Variants in RNF167 observed in about 807,000 individuals in gnomAD.
RNF167 encodes the protein ring finger protein 167.
A neutral mutation model predicts 34.8 loss-of-function variants in RNF167; 19 were observed. The ratio of observed to expected loss-of-function variants is 0.55; its 90% CI spans 0.38 to 0.80. RNF167 has a LOEUF of 0.80. Ranked by LOEUF, RNF167 falls within the 30% of genes least tolerant of loss-of-function variation. The pLI is 0.00. For synonymous variants in RNF167, 200 were observed against 170.4 expected (o/e 1.17, Z -1.35); for missense variants, 464 against 447.0 (o/e 1.04, Z -0.34).
Position 4,942,883 on chromosome 17 carries a change from G to T in RNF167, c.412G>T (p.Val138Leu). The T allele has an allele frequency of 6.2e-7, 1 of 1,614,224 alleles. No individual in the cohort carries two copies. The highest frequency in any genetic ancestry group is 8.5e-7 in the Non-Finnish European group (1 of 1,180,034). ...CCAGCAGCAGATCTGGATCCCGTCT[G>T]TATTTATTGGGGAGAGAAGCTCCGA... ...EIQQQIWIPS[V>L]FIGERSSEYL... is the part of the protein sequence containing the mutation. The change falls in exon 6 of 10, where the codon GTA becomes TTA. Residue 138 changes from valine (V) to leucine (L), a missense_variant. Physicochemically the swap from Val to Leu is conservative, Grantham distance 32. Coordinates refer to ENST00000262482, the MANE Select transcript of RNF167 (RefSeq NM_015528.3).
At chr17:4,941,744 C>T (rs959251305) in intron 3 of RNF167, among the ~76,000 whole-genome samples, 2 of 152,072 alleles carry the variant, frequency 1.3e-5, no homozygotes. Flanking sequence ...TGGAGAAACC[C>T]TATCTCTACT....
chr17:4,940,121 T>G (rs1196702615), upstream of RNF167: 6 of 433,040 alleles, frequency 1.4e-5, no homozygotes, highest in East Asian at 2.3e-4. Context: ...GATGGAAGCG[T>G]GCGAGAAGGG....
At position 4,945,100 on chromosome 17, in the gene RNF167, C is replaced by G. The variant is rs1971286387; in HGVS notation, c.*84C>G. 3 of 1,264,562 alleles carry G rather than the reference C, an allele frequency of 2.4e-6. No homozygotes were observed. The highest frequency in any genetic ancestry group is 3.1e-5 in the South Asian group (2 of 64,910). The allele number at this position is 1,264,562 out of a possible 1,614,324, so 78.3% of individuals were successfully genotyped here. On this transcript the variant is annotated 3_prime_UTR_variant, in exon 10 of 10. Coordinates refer to ENST00000262482, the MANE Select transcript of RNF167 (RefSeq NM_015528.3). ...AGTCTTCTGAGGGATAGGGGACATTCCATCCCAAGCTTCTCCCTTACCCAC... is the reference window on the plus strand; with the variant it reads ...AGTCTTCTGAGGGATAGGGGACATTGCATCCCAAGCTTCTCCCTTACCCAC...
Position 4,943,525 on chromosome 17 carries a change from G to A in RNF167, c.670+6G>A. 3 of 1,607,844 alleles carry A rather than the reference G, an allele frequency of 1.9e-6. No homozygotes were observed. Among genetic ancestry groups the A allele is most frequent in the Non-Finnish European group, 2.6e-6 (3 of 1,174,972 alleles). ...TACACATGACTATCAGAAGGGTGAG[G>A]GGGTTAGGGGAGAAGAGGGCTTTTC... On this transcript the variant is annotated splice_donor_region_variant and intron_variant, in intron 8 of 9. Transcript: ENST00000262482.
In RNF167 at chr17:4,941,173, T is replaced by C. The variant is rs777882252; in HGVS notation, c.165+16T>C. 3.5e-5 allele frequency: 57 copies of C among 1,605,722 alleles called. No homozygotes were observed. Among genetic ancestry groups the C allele is most frequent in the Non-Finnish European group, 2.7e-5 (32 of 1,172,544 alleles). On this transcript the variant is annotated intron_variant, in intron 3 of 9. Transcript: ENST00000262482. ...GGGCCTCCAGGTGATTTTCTTTCTT[T>C]TCTTTTCCTCCTTCCCTCCCTTCCT... is the stretch of plus-strand genomic sequence containing the variant.
Position 4,942,684 on chromosome 17 carries a change from T to C in RNF167, c.379+20T>C, listed in dbSNP as rs567174754. ...ATAGTGGTAAGGCTGGGGGAATCTA[T>C]ACAGCTGGGCTTTCAGTAGGACCCA... On this transcript the variant is annotated intron_variant, in intron 5 of 9. Transcript: ENST00000262482. The C allele has an allele frequency of 3.7e-6, 6 of 1,612,438 alleles. No homozygotes were observed. Among genetic ancestry groups the C allele is most frequent in the Admixed American group, 1.7e-5 (1 of 59,986 alleles).
chr17:4,941,865 C>T (rs1970840967), intron 3 of RNF167, among the ~76,000 whole-genome samples: 2 of 151,818 alleles, frequency 1.3e-5, no homozygotes, highest in South Asian at 2.1e-4. Context: ...TGCAGTGAGC[C>T]GAGATCGCGC....
intron 8 of RNF167, 112 bp from the exon 9 acceptor site, chr17:4,944,446 A>C (rs78845112): frequency 1.4e-4 from 212 of 1,488,690 alleles, no homozygotes; most frequent in Admixed American, 1.8e-4. Flanking sequence ...TACCTGTCTT[A>C]TCTCTTCCAC....
Position 4,944,705 on chromosome 17 carries a change from C to T in RNF167, c.752-10C>T. The T allele has an allele frequency of 6.2e-7, 1 of 1,614,108 alleles. No individual in the cohort carries two copies. Among genetic ancestry groups the T allele is most frequent in the Non-Finnish European group, 8.5e-7 (1 of 1,180,004 alleles). On this transcript the variant is annotated splice_polypyrimidine_tract_variant and intron_variant, in intron 9 of 9. Coordinates refer to ENST00000262482, the MANE Select transcript of RNF167 (RefSeq NM_015528.3). Reference sequence around the variant, plus strand: ...AGCCACCAGGTGCTTCACCTTGTTCCTCTCTGCAGCCTACCACAGCCGCTG... The same window carrying T: ...AGCCACCAGGTGCTTCACCTTGTTCTTCTCTGCAGCCTACCACAGCCGCTG...
chr17:4,944,622 A>T lies in RNF167; in HGVS notation c.735A>T (p.Val245=). 6.2e-7 allele frequency: 1 copy of T among 1,612,882 alleles called. No homozygotes were observed. Among genetic ancestry groups the T allele is most frequent in the Non-Finnish European group, 8.5e-7 (1 of 1,179,606 alleles). The change falls in exon 9 of 10, where the codon GTA becomes GTT. Residue 245 remains valine, a synonymous_variant. Transcript: ENST00000262482. The part of the protein sequence containing the change: ...DEYEDGDKLR[V]LPCAHAYHSR... ...ATGAGGATGGGGACAAGCTGCGGGT[A>T]CTCCCCTGTGCTCATGGTGAGGCCC...
intron 3 of RNF167, 89 bp downstream of exon 3, chr17:4,941,246 T>A: frequency 8.2e-7 from 1 of 1,224,334 alleles, no homozygotes; most frequent in South Asian, 1.3e-5. Flanking sequence ...AGATCCTCCA[T>A]CCTAGGCTGG....
rs779209832 is a variant in RNF167 at position 4,942,976 on chromosome 17, G to C, written c.470+35G>C. On this transcript the variant is annotated intron_variant, in intron 6 of 9. Coordinates refer to ENST00000262482, the MANE Select transcript of RNF167 (RefSeq NM_015528.3). The stretch of plus-strand genomic sequence containing the variant: ...GTGCCTCCTTCCCATTCTTCCTTCA[G>C]CAAGCAGTTCCATGCCAACCTGGAG... 4 of 1,598,502 alleles carry C rather than the reference G, an allele frequency of 2.5e-6. No individual in the cohort carries two copies. The South Asian group carries it at 4.4e-5, about 18-fold the overall frequency.
chr17:4,940,387 T>C (rs1970666096), intron 1 of RNF167, 27 bp downstream of exon 1: 1 of 159,018 alleles, frequency 6.3e-6, no homozygotes, highest in African/African-American at 2.4e-5. Flanking sequence ...GCTCCGGGTT[T>C]CCGGGCACTT....
chr17:4,944,411 T>C, intron 8 of RNF167, 147 bp from the exon 9 acceptor site: 6 of 1,392,996 alleles, frequency 4.3e-6, no homozygotes, highest in Admixed American at 6.8e-5. Context: ...AATTCTTCCA[T>C]GTTCTGCCCT....
chr17:4,942,860 A>G lies in RNF167; in HGVS notation c.389A>G (p.Gln130Arg). 6.2e-7 allele frequency: 1 copy of G among 1,614,142 alleles called. No homozygotes were observed. Among genetic ancestry groups the G allele is most frequent in the Non-Finnish European group, 8.5e-7 (1 of 1,179,956 alleles). The change falls in exon 6 of 10, where the codon CAG becomes CGG. Residue 130 changes from glutamine to arginine, a missense_variant. Transcript: ENST00000262482. ...LNMVWNSEEI[Q>R]QQIWIPSVFI... ...ACCTTGATCCCTGCAGAGGAAATCCAGCAGCAGATCTGGATCCCGTCTGTA... is the reference window on the plus strand; with the variant it reads ...ACCTTGATCCCTGCAGAGGAAATCCGGCAGCAGATCTGGATCCCGTCTGTA...
intron 6 of RNF167, 29 bp from the exon 7 acceptor site, chr17:4,943,150 C>T: frequency 1.9e-6 from 3 of 1,597,332 alleles, no homozygotes; most frequent in Non-Finnish European, 2.6e-6. Flanking sequence ...CCTTTCTCGC[C>T]CTGCTGAGAC....
intron 3 of RNF167, 84 bp from the exon 4 acceptor site, chr17:4,942,257 T>A (rs755896338): frequency 6.8e-7 from 1 of 1,477,728 alleles, no homozygotes; most frequent in Admixed American, 1.8e-5. Context: ...ATGTGCAGCA[T>A]GTGGGCTGGT....
intron 3 of RNF167, among the ~76,000 whole-genome samples, chr17:4,941,458 T>TTA (rs1336753936): frequency 6.6e-6 from 1 of 152,200 alleles, no homozygotes; most frequent in Non-Finnish European, 1.5e-5. Context: ...CAGGTGCTAG[T>TTA]TATTGCTTAT....
At chr17:4,942,973 TCAG>T (rs762141426) in intron 6 of RNF167, 32 bp downstream of exon 6, 1 of 1,602,006 alleles carries the variant, frequency 6.2e-7, no homozygotes, top group Non-Finnish European at 8.6e-7. Context: ...CATTCTTCCT[TCAG>T]CAAGCAGTTC....
Sources: allele counts gnomAD v4.1 joint callset (sites outside exome capture counted in the v4.1 genomes callset), GRCh38; gene constraint gnomAD v4.1.1; transcripts MANE v1.5; gene names NCBI Gene and HGNC (gene_info 2026-07-23, HGNC 2026-07-21).